RTN4: variants seen among roughly 807,000 people sequenced by gnomAD.
RTN4 encodes reticulon-4.
Under a neutral mutation model 90.4 loss-of-function variants are expected in RTN4, and 32 were observed. The ratio of observed to expected loss-of-function variants is 0.35; its 90% confidence interval spans 0.27 to 0.48. The LOEUF (loss-of-function observed/expected upper bound fraction) is 0.48, where lower values mean the gene tolerates loss of function less well. RTN4 is among the 20% of genes least tolerant of loss of function. The pLI is 0.99. For missense variants in RTN4, 1,706 were observed against 1,430.2 expected (o/e 1.19, Z -3.11); for synonymous variants, 629 against 552.5 (o/e 1.14, Z -1.94).
intron 3 of RTN4, among the ~76,000 whole-genome samples, chr2:55,002,144 G>A (rs527973524): frequency 2.0e-5 from 3 of 151,918 alleles, no homozygotes; most frequent in South Asian, 2.1e-4. Context: ...CTGCAGCCTC[G>A]ACCTCCTGGG....
At chr2:55,049,067 G>A (rs1439516545) in intron 1 of RTN4, 4 of 980,444 alleles carry the variant, frequency 4.1e-6, no homozygotes, top group Non-Finnish European at 4.8e-6. Context: ...CTGGGCGGTG[G>A]CAGGACTTTA....
rs954376295 is a variant in RTN4, at chr2:55,026,786, C to T, written c.1313G>A (p.Ser438Asn). The T allele has an allele frequency of 6.2e-7, 1 of 1,613,940 alleles. No individual in the cohort carries two copies. The highest frequency in any genetic ancestry group is 8.5e-7 in the Non-Finnish European group (1 of 1,179,894). The change falls in exon 3 of 9, where the codon AGT (serine) becomes AAT (asparagine). Residue 438 changes from serine to asparagine, a missense_variant. Physicochemically the swap from Ser to Asn is conservative, Grantham distance 46. Coordinates refer to ENST00000337526, the MANE Select transcript of RTN4 (RefSeq NM_020532.5). The part of the protein sequence containing the change: ...SLEQTNHEKD[S>N]ESSNDDTSFP... ...AGAAGTATCATCATTACTACTCTCACTATCTTTTTCGTGATTAGTTTGCTC... is the reference window on the plus strand; with the variant it reads ...AGAAGTATCATCATTACTACTCTCATTATCTTTTTCGTGATTAGTTTGCTC...
chr2:55,034,587 T>A (rs573506543), intron 1 of RTN4, among the ~76,000 whole-genome samples: 11 of 152,148 alleles, frequency 7.2e-5, no homozygotes, highest in Non-Finnish European at 1.5e-4. Flanking sequence ...CTGAAAGAAT[T>A]TGTCACTAAG....
intron 3 of RTN4, among the ~76,000 whole-genome samples, chr2:55,019,687 C>G (rs1290762586): frequency 6.6e-6 from 1 of 151,928 alleles, no homozygotes; most frequent in Non-Finnish European, 1.5e-5. Context: ...AATGTCATAA[C>G]AAATAAATAA....
At chr2:55,005,631 G>C (rs2104767357) in intron 3 of RTN4, among the ~76,000 whole-genome samples, 1 of 152,216 alleles carries the variant, frequency 6.6e-6, no homozygotes, top group East Asian at 1.9e-4. Context: ...CTTATGTTCA[G>C]TTATAATCAT....
At chr2:55,127,153 A>T in the RTN4 span, among the ~76,000 whole-genome samples, 1 of 152,282 alleles carries the variant, frequency 6.6e-6, no homozygotes, top group East Asian at 1.9e-4. Flanking sequence ...GTACCCCTAA[A>T]TCTAAAATAA....
chr2:54,987,015 C>G (rs573375035), intron 4 of RTN4, among the ~76,000 whole-genome samples: 35 of 151,816 alleles, frequency 2.3e-4, no homozygotes, highest in Middle Eastern at 3.4e-3. Context: ...AAATAAAGCT[C>G]TCCAAAAAAT....
chr2:55,040,273 C>A (rs1007836417), intron 1 of RTN4, among the ~76,000 whole-genome samples: 4 of 151,868 alleles, frequency 2.6e-5, no homozygotes, highest in Non-Finnish European at 5.9e-5. Context: ...TAAAACTTTC[C>A]ATAATTTAAC....
rs1681980187 is a variant in RTN4 at position 55,027,359 on chromosome 2, T to C, written c.740A>G (p.Lys247Arg). Residue 247 changes from lysine (K) to arginine (R), a missense_variant, in exon 3 of 9, where the codon AAA becomes AGA. By Grantham distance (26) the Lys-to-Arg change is conservative (BLOSUM62 2). Transcript: ENST00000337526. ...CAAATTACCAAGGTATTCATGTTCT[T>C]TGAAAGAAGCGGCTGAGAGAGGAGA... ...SLSPLSAASF[K>R]EHEYLGNLST... is the part of the protein sequence containing the mutation. The C allele has an allele frequency of 6.2e-7, 1 of 1,613,668 alleles. No homozygotes were observed. The highest frequency in any genetic ancestry group is 8.5e-7 in the Non-Finnish European group (1 of 1,179,758).
Position 55,081,040 on chromosome 2 carries a change from C to G in RTN4, c.-213-401G>C, listed in dbSNP as rs112958617. Among the ~76,000 whole-genome samples, 843 of 151,710 alleles carry G rather than the reference C, an allele frequency of 5.6e-3. 6 individuals carry two copies. Among genetic ancestry groups the G allele is most frequent in the African/African-American group, 0.019 (784 of 41,334 alleles). ...ATTCACTCTCTCTTTCTTTTTCCCT[C>G]TTTCCTTCCTTTCTTTCTTTCATTC... On this transcript the variant is annotated intron_variant, in intron 1 of 3. Transcript: ENST00000427710.
At chr2:55,099,920 G>A (rs1477215624) in intron 1 of RTN4, among the ~76,000 whole-genome samples, 6 of 152,046 alleles carry the variant, frequency 3.9e-5, no homozygotes, top group Non-Finnish European at 7.3e-5. Flanking sequence ...TCTCTTTCCA[G>A]CCTCATCATT....
At chr2:55,117,587 T>C (rs1004182721), upstream of RTN4, among the ~76,000 whole-genome samples, 1 of 152,186 alleles carries the variant, frequency 6.6e-6, no homozygotes, top group Admixed American at 6.5e-5. Context: ...ATCTAAACAA[T>C]GAGAGGGCGT....
chr2:55,103,108 G>T (rs532494976), intron 1 of RTN4, among the ~76,000 whole-genome samples: 1 of 101,492 alleles, frequency 9.9e-6, no homozygotes, highest in Non-Finnish European at 2.1e-5. Context: ...GCAAAACTCC[G>T]GAAAAAAAAA....
At chr2:55,088,389 G>C (rs750138793) in intron 1 of RTN4, among the ~76,000 whole-genome samples, 1 of 152,216 alleles carries the variant, frequency 6.6e-6, no homozygotes, top group Non-Finnish European at 1.5e-5. Context: ...TCTATTAACT[G>C]TTAGGGATTT....
In RTN4 at chr2:54,977,631, T is replaced by A. The variant is rs1033506758; in HGVS notation, c.3361-2867A>T. ...CAATTAGCCCAAAAGCTGAGCCCAG[T>A]AGGCATTGTCATATGCTTTTCTTTC... On this transcript the variant is annotated intron_variant, in intron 5 of 8. Coordinates refer to ENST00000337526, the MANE Select transcript of RTN4 (RefSeq NM_020532.5). Among the ~76,000 whole-genome samples the A allele has an allele frequency of 5.9e-5, 9 of 152,224 alleles. No homozygotes were observed. In the East Asian group the frequency reaches 1.2e-3, roughly 20 times the overall value.
the RTN4 span, among the ~76,000 whole-genome samples, chr2:55,129,608 C>T: frequency 1.7e-3 from 253 of 152,060 alleles, no homozygotes; most frequent in Non-Finnish European, 3.2e-3. Flanking sequence ...CTCGCTCAGG[C>T]TGGAGTGCAG....
intron 1 of RTN4, among the ~76,000 whole-genome samples, chr2:55,044,739 C>T (rs7584354): frequency 0.47 from 66,037 of 141,820 alleles, 16,245 homozygotes; most frequent in African/African-American, 0.64. Flanking sequence ...TCCACATATA[C>T]CCATCACTTC....
intron 1 of RTN4, among the ~76,000 whole-genome samples, chr2:55,106,636 CA>C (rs1214884294): frequency 6.6e-6 from 1 of 152,072 alleles, no homozygotes; most frequent in Non-Finnish European, 1.5e-5. Flanking sequence ...TCTCCTGCCT[CA>C]GCCTCCTGAG....
chr2:55,042,348 G>A (rs1330749547), intron 1 of RTN4, among the ~76,000 whole-genome samples: 2 of 152,098 alleles, frequency 1.3e-5, no homozygotes, highest in African/African-American at 4.8e-5. Context: ...AGTGTTCACA[G>A]AAATAGTATT....
Sources: gnomAD v4.1 joint callset for allele counts (sites outside exome capture counted in the v4.1 genomes callset) on GRCh38, gnomAD v4.1.1 for gene constraint, MANE v1.5 for transcripts, NCBI Gene and HGNC (gene_info 2026-07-23, HGNC 2026-07-21) for gene names.